The following MPRIP variants were observed in gnomAD, a reference collection of about 807,000 sequenced individuals.
MPRIP encodes the protein myosin phosphatase Rho-interacting protein.
A neutral mutation model predicts 234.9 loss-of-function variants in MPRIP; 59 were observed. That is an observed-to-expected ratio of 0.25 (90% confidence interval 0.20 to 0.31). MPRIP has a LOEUF of 0.31. MPRIP is among the 10% of genes least tolerant of loss of function. The pLI is 1.00. For synonymous variants in MPRIP, 1,144 were observed against 1,263.9 expected (o/e 0.91, Z 2.01); for missense variants, 2,436 against 3,071.0 (o/e 0.79, Z 4.89).
chr17:17,113,269 G>GTA (rs762612219), intron 3 of MPRIP, among the ~76,000 whole-genome samples: 2 of 152,224 alleles, frequency 1.3e-5, no homozygotes, highest in Non-Finnish European at 2.9e-5. Flanking sequence ...GGTAGCTGGG[G>GTA]TATAGGTCAG....
chr17:17,057,650 C>T (rs1344058470), intron 1 of MPRIP: 1 of 717,974 alleles, frequency 1.4e-6, no homozygotes, highest in Non-Finnish European at 2.6e-6. Flanking sequence ...ACACCCACCC[C>T]CTTGAAATGA....
intron 14 of MPRIP, among the ~76,000 whole-genome samples, chr17:17,159,476 G>A (rs1181067304): frequency 6.6e-6 from 1 of 152,252 alleles, no homozygotes; most frequent in Non-Finnish European, 1.5e-5. Context: ...GGAGATGACA[G>A]CTGGGTCCTA....
chr17:17,050,939 C>A (rs571072944), intron 1 of MPRIP, among the ~76,000 whole-genome samples: 4 of 152,320 alleles, frequency 2.6e-5, no homozygotes, highest in East Asian at 1.9e-4. Context: ...TAGCCTGTTA[C>A]CTGATCTTTT....
intron 3 of MPRIP, among the ~76,000 whole-genome samples, chr17:17,083,547 A>G (rs568356682): frequency 6.6e-6 from 1 of 152,230 alleles, no homozygotes; most frequent in African/African-American, 2.4e-5. Context: ...GAGGAGGGGC[A>G]TTACCGCTGA....
At chr17:17,102,338 A>C (rs770645629) in intron 3 of MPRIP, among the ~76,000 whole-genome samples, 1 of 152,126 alleles carries the variant, frequency 6.6e-6, no homozygotes, top group Non-Finnish European at 1.5e-5. Context: ...CTTGTACTCT[A>C]TGTTGTGCCA....
At chr17:17,114,935 G>T (rs543466852) in intron 3 of MPRIP, among the ~76,000 whole-genome samples, 25 of 152,238 alleles carry the variant, frequency 1.6e-4, no homozygotes, top group African/African-American at 5.5e-4. Context: ...TATTTTCTCC[G>T]TTAAAAAAAA....
At chr17:17,045,258 C>G (rs563837993) in intron 1 of MPRIP, among the ~76,000 whole-genome samples, 37 of 152,322 alleles carry the variant, frequency 2.4e-4, no homozygotes, top group Middle Eastern at 3.4e-3. Flanking sequence ...GGCTTTTGCT[C>G]TGGAGATGTC....
chr17:17,049,281 C>A (rs7212275), intron 1 of MPRIP, among the ~76,000 whole-genome samples: 24,595 of 152,168 alleles, frequency 0.16, 2,969 homozygotes, highest in African/African-American at 0.32. Context: ...GTTGCACAGC[C>A]TTGTGAAATG....
rs978375407 is a variant in MPRIP, at chr17:17,166,209, G to A, written c.4618G>A (p.Glu1540Lys). The A allele has an allele frequency of 8.3e-5, 108 of 1,303,200 alleles. No homozygotes were observed. The highest frequency in any genetic ancestry group is 1.0e-4 in the Non-Finnish European group (103 of 988,568). 80.7% of individuals were successfully genotyped at this position (1,303,200 alleles called of 1,614,324 possible). A position where few individuals can be genotyped will look rare whatever the true frequency, so the allele number is the denominator to read the frequency against. ...ARAQLETGGTEENGKPASLQQ... is the reference protein window; with the variant it reads ...ARAQLETGGTKENGKPASLQQ... ...TGCACAGCTGGAGACAGGTGGCACCGAGGAGAATGGGAAGCCTGCCTCCCT... is the reference window on the plus strand; with the variant it reads ...TGCACAGCTGGAGACAGGTGGCACCAAGGAGAATGGGAAGCCTGCCTCCCT... Residue 1540 changes from glutamate to lysine, a missense_variant, in exon 16 of 24, where the codon GAG (glutamate) becomes AAG (lysine). Coordinates refer to ENST00000651222, the MANE Select transcript of MPRIP (RefSeq NM_001364716.4). The surrounding 1 kb of genome is among the most constrained non-coding windows in gnomAD (Gnocchi z 4.4).
chr17:17,097,742 C>T (rs1230722179), intron 3 of MPRIP, among the ~76,000 whole-genome samples: 1 of 152,228 alleles, frequency 6.6e-6, no homozygotes, highest in African/African-American at 2.4e-5. Flanking sequence ...CTGTCCAGAA[C>T]TGGCTCACTC....
chr17:17,165,939 G>C lies in MPRIP; in HGVS notation c.4348G>C (p.Glu1450Gln). 7.7e-7 allele frequency: 1 copy of C among 1,304,306 alleles called. No homozygotes were observed. Among genetic ancestry groups the C allele is most frequent in the South Asian group, 1.2e-5 (1 of 81,014 alleles). 80.8% of individuals were successfully genotyped at this position (1,304,306 alleles called of 1,614,324 possible). A position where few individuals can be genotyped will look rare whatever the true frequency, so the allele number is the denominator to read the frequency against. ...CGCACTGGCCTCCCAGCTGGAGCAGGAGAGGCAGGAGAGGGCCAGGAGGGT... is the reference window on the plus strand; with the variant it reads ...CGCACTGGCCTCCCAGCTGGAGCAGCAGAGGCAGGAGAGGGCCAGGAGGGT... The part of the protein sequence containing the change: ...VGALASQLEQ[E>Q]RQERARRVEG... Residue 1450 changes from glutamate (E) to glutamine (Q), a missense_variant, in exon 16 of 24, where the codon GAG becomes CAG. Physicochemically the swap from Glu to Gln is conservative, Grantham distance 29 (BLOSUM62 2). Coordinates refer to ENST00000651222, the MANE Select transcript of MPRIP (RefSeq NM_001364716.4).
Position 17,075,689 on chromosome 17 carries a change from G to T in MPRIP, c.124-21G>T, listed in dbSNP as rs766330511. The T allele has an allele frequency of 3.7e-6, 6 of 1,610,646 alleles. No homozygotes were observed. In the African/African-American group the frequency reaches 8.0e-5, roughly 22 times the overall value. On this transcript the variant is annotated intron_variant, in intron 1 of 23. Transcript: ENST00000651222. ...CTGGGTTGAAGGCTGCTGGTGACCT[G>T]CCCTCTTTTTTCTCCTCTAGGCAAA...
In MPRIP at chr17:17,165,534, C is replaced by T. The variant is rs1024161022; in HGVS notation, c.3943C>T (p.Pro1315Ser). Reference protein sequence around the residue: ...QGTAKLDQGAPGVKRQRIRFS... With the variant: ...QGTAKLDQGASGVKRQRIRFS... The stretch of plus-strand genomic sequence containing the variant: ...CACAGCCAAACTCGACCAAGGGGCA[C>T]CTGGTGTTAAAAGGCAAAGAATCCG... The change falls in exon 16 of 24, where the codon CCT becomes TCT. Residue 1315 changes from proline to serine, a missense_variant. By Grantham distance (74) the Pro-to-Ser change is moderately conservative. Transcript: ENST00000651222. 7.7e-7 allele frequency: 1 copy of T among 1,304,366 alleles called. No homozygotes were observed. Among genetic ancestry groups the T allele is most frequent in the Admixed American group, 2.3e-5 (1 of 43,558 alleles). 80.8% of individuals were successfully genotyped at this position (1,304,366 alleles called of 1,614,324 possible).
intron 3 of MPRIP, among the ~76,000 whole-genome samples, chr17:17,122,197 ATTTCTATCTTTAGGTC>A (rs2144358993): frequency 6.6e-6 from 1 of 152,152 alleles, no homozygotes; most frequent in Admixed American, 6.5e-5. Context: ...ATCAAATGGT[ATTTCTATCTTTAGGTC>A]TTTGAGGAAT....
chr17:17,043,297 C>T (rs1188837424), intron 1 of MPRIP, among the ~76,000 whole-genome samples: 2 of 152,320 alleles, frequency 1.3e-5, no homozygotes, highest in South Asian at 4.1e-4. Context: ...CCCTGAGATT[C>T]TGGCTTGGGA....
intron 3 of MPRIP, among the ~76,000 whole-genome samples, chr17:17,085,289 CTG>C (rs983481549): frequency 6.6e-6 from 1 of 152,148 alleles, no homozygotes; most frequent in Non-Finnish European, 1.5e-5. Flanking sequence ...TATTTCTGTG[CTG>C]TGTGTTTTCA....
At chr17:17,046,187 C>T (rs1374832051) in intron 1 of MPRIP, among the ~76,000 whole-genome samples, 1 of 152,236 alleles carries the variant, frequency 6.6e-6, no homozygotes, top group Non-Finnish European at 1.5e-5. Context: ...TGCTTATCAG[C>T]ATATCTTTAC....
intron 13 of MPRIP, among the ~76,000 whole-genome samples, chr17:17,157,169 T>C (rs1302065228): frequency 6.6e-6 from 1 of 152,122 alleles, no homozygotes; most frequent in Non-Finnish European, 1.5e-5. Flanking sequence ...CCTTGACAAA[T>C]TGCCATCAGC....
chr17:17,051,888 G>A lies in MPRIP; in HGVS notation c.123+8917G>A, dbSNP rs376242646. ...CCCTTCTGGCTCCTTCCCCTTGGGCGCAGCTTGGCGGTTGCATGCTGTGCC... is the reference window on the plus strand; with the variant it reads ...CCCTTCTGGCTCCTTCCCCTTGGGCACAGCTTGGCGGTTGCATGCTGTGCC... On this transcript the variant is annotated intron_variant, in intron 1 of 23. Coordinates refer to ENST00000651222, the MANE Select transcript of MPRIP (RefSeq NM_001364716.4). 2.0e-5 allele frequency among the ~76,000 whole-genome samples: 3 copies of A among 152,260 alleles called. No individual in the cohort carries two copies. In the South Asian group the frequency reaches 6.2e-4, roughly 31 times the overall value.
Sources: allele counts gnomAD v4.1 joint callset (sites outside exome capture counted in the v4.1 genomes callset), GRCh38; gene constraint gnomAD v4.1.1; non-coding constraint Gnocchi (gnomAD v3.1); transcripts MANE v1.5; gene names NCBI Gene and HGNC (gene_info 2026-07-23, HGNC 2026-07-21).